Variants in ADGRA3 observed in about 807,000 individuals in gnomAD.
ADGRA3 encodes G-protein coupled receptor 125.
In ADGRA3, 56 loss-of-function variants were observed where a neutral mutation model predicts 119.8. The observed-to-expected ratio is 0.47, with a 90% CI of 0.38 to 0.58. ADGRA3 has a LOEUF of 0.58. ADGRA3 is among the 20% of genes least tolerant of loss of function. The pLI, the probability that ADGRA3 is intolerant of heterozygous loss-of-function variation, is 0.00. For missense variants in ADGRA3, 1,516 were observed against 1,649.0 expected (o/e 0.92, Z 1.40); for synonymous variants, 607 against 623.8 (o/e 0.97, Z 0.40).
chr4:22,459,269 G>A (rs769727344), intron 3 of ADGRA3, among the ~76,000 whole-genome samples: 1 of 152,072 alleles, frequency 6.6e-6, no homozygotes, highest in Non-Finnish European at 1.5e-5. Context: ...GGTAAATGAT[G>A]AGAACACATG....
At chr4:22,467,249 T>C (rs1289645758) in intron 2 of ADGRA3, among the ~76,000 whole-genome samples, 2 of 152,220 alleles carry the variant, frequency 1.3e-5, no homozygotes, top group Non-Finnish European at 2.9e-5. Context: ...TCCGTATGTT[T>C]AAAATTCTTC....
At chr4:22,420,795 T>A (rs1342580928) in intron 12 of ADGRA3, 91 bp downstream of exon 12, 1 of 1,241,360 alleles carries the variant, frequency 8.1e-7, no homozygotes, top group Non-Finnish European at 1.2e-6. Flanking sequence ...AAAAAAAAAA[T>A]CTTTTAATAA....
intron 1 of ADGRA3, among the ~76,000 whole-genome samples, chr4:22,489,551 T>C (rs553146692): frequency 1.3e-5 from 2 of 152,308 alleles, no homozygotes; most frequent in East Asian, 3.9e-4. Flanking sequence ...GGAAATATCT[T>C]TCATTTGAAG....
At chr4:22,477,076 T>C (rs994119595) in intron 1 of ADGRA3, among the ~76,000 whole-genome samples, 3 of 152,204 alleles carry the variant, frequency 2.0e-5, no homozygotes, top group Admixed American at 1.3e-4. Flanking sequence ...AGAATCTTAA[T>C]TGCTAAGTAC....
chr4:22,493,794 A>C (rs1466514914), intron 1 of ADGRA3, among the ~76,000 whole-genome samples: 1 of 152,176 alleles, frequency 6.6e-6, no homozygotes, highest in Non-Finnish European at 1.5e-5. Context: ...TAGGCATTCT[A>C]AGTCATAGGA....
At chr4:22,452,743 C>T (rs1253195982) in intron 4 of ADGRA3, among the ~76,000 whole-genome samples, 2 of 152,146 alleles carry the variant, frequency 1.3e-5, no homozygotes, top group Non-Finnish European at 2.9e-5. Context: ...TGTGTCAAAT[C>T]CCTAGGCCAA....
chr4:22,433,169 CAGTT>C (rs1055956556), intron 10 of ADGRA3, among the ~76,000 whole-genome samples: 20 of 152,286 alleles, frequency 1.3e-4, no homozygotes, highest in African/African-American at 2.2e-4. Context: ...CTCGTGCTGA[CAGTT>C]AGTAAGTTGC....
intron 18 of ADGRA3, 53 bp from the exon 19 acceptor site, chr4:22,389,000 C>G (rs1345179309): frequency 1.2e-6 from 2 of 1,601,774 alleles, no homozygotes; most frequent in African/African-American, 2.7e-5. Context: ...AACAAATTAT[C>G]TACGAAATTG....
At chr4:22,469,211 AC>A in intron 2 of ADGRA3, among the ~76,000 whole-genome samples, 1 of 152,146 alleles carries the variant, frequency 6.6e-6, no homozygotes, top group Non-Finnish European at 1.5e-5. Flanking sequence ...GACACCCTCA[AC>A]CCACAGAGAG....
intron 4 of ADGRA3, among the ~76,000 whole-genome samples, chr4:22,452,930 G>A (rs1384369595): frequency 6.6e-6 from 1 of 152,134 alleles, no homozygotes; most frequent in East Asian, 1.9e-4. Flanking sequence ...CAGGCGTGGT[G>A]GCTCACGCCT....
intron 10 of ADGRA3, among the ~76,000 whole-genome samples, chr4:22,429,075 G>C (rs1312647757): frequency 6.6e-6 from 1 of 151,942 alleles, no homozygotes; most frequent in Non-Finnish European, 1.5e-5. Context: ...TCTACCATCA[G>C]GTCTCATGCT....
intron 1 of ADGRA3, among the ~76,000 whole-genome samples, chr4:22,475,343 T>C (rs946251728): frequency 1.3e-5 from 2 of 152,222 alleles, no homozygotes; most frequent in Non-Finnish European, 2.9e-5. Context: ...CTCATTTCAA[T>C]GTTTTCTGAC....
chr4:22,487,353 T>G (rs994461691), intron 1 of ADGRA3, among the ~76,000 whole-genome samples: 3 of 152,188 alleles, frequency 2.0e-5, no homozygotes, highest in African/African-American at 7.2e-5. Flanking sequence ...AGGCATTAGA[T>G]TCTCATAAAG....
intron 2 of ADGRA3, among the ~76,000 whole-genome samples, chr4:22,465,968 T>C (rs1717643186): frequency 6.6e-6 from 1 of 152,166 alleles, no homozygotes; most frequent in Admixed American, 6.5e-5. Flanking sequence ...ACTGCCTCTC[T>C]GTCCTGGTCA....
intron 16 of ADGRA3, among the ~76,000 whole-genome samples, chr4:22,395,352 TATG>T (rs576550036): frequency 1.2e-3 from 186 of 152,320 alleles, no homozygotes; most frequent in African/African-American, 4.1e-3. Context: ...AAATAAACTT[TATG>T]ATGAATACAA....
chr4:22,515,382 G>A, intron 1 of ADGRA3, 146 bp downstream of exon 1: 1 of 932,126 alleles, frequency 1.1e-6, no homozygotes, highest in South Asian at 2.4e-5. Flanking sequence ...CCCATGCCAA[G>A]CACACGAGGT....
chr4:22,480,933 T>C (rs945876671), intron 1 of ADGRA3, among the ~76,000 whole-genome samples: 2 of 151,882 alleles, frequency 1.3e-5, no homozygotes, highest in Admixed American at 1.3e-4. Context: ...CCCAGTGCTT[T>C]GGAAGGCCAA....
At chr4:22,416,723 T>C (rs73112105) in intron 12 of ADGRA3, among the ~76,000 whole-genome samples, 1,641 of 152,286 alleles carry the variant, frequency 0.011, 21 homozygotes, top group African/African-American at 0.037. Context: ...TACCATTCAG[T>C]TTCAGTGTTC....
intron 2 of ADGRA3, 152 bp downstream of exon 2, chr4:22,473,620 T>C (rs1577369750): frequency 1.8e-6 from 1 of 547,170 alleles, no homozygotes; most frequent in East Asian, 3.0e-5. Context: ...TTTTTTAAAA[T>C]AAAGTTCTTA....
Sources: gnomAD v4.1 joint callset for allele counts (sites outside exome capture counted in the v4.1 genomes callset) on GRCh38, gnomAD v4.1.1 for gene constraint, MANE v1.5 for transcripts, NCBI Gene and HGNC (gene_info 2026-07-23, HGNC 2026-07-21) for gene names.